Variants in PARVA observed in about 807,000 individuals in gnomAD.
PARVA encodes the protein alpha-parvin.
PARVA carries 25 observed loss-of-function variants against 52.6 expected under a neutral mutation model. The ratio of observed to expected loss-of-function variants is 0.48; its 90% CI spans 0.35 to 0.66. The LOEUF (loss-of-function observed/expected upper bound fraction) is 0.66. Ranked by LOEUF, PARVA falls within the 30% of genes least tolerant of loss-of-function variation. PARVA has a pLI of 0.01. For synonymous variants in PARVA, 185 were observed against 179.1 expected, an observed-to-expected ratio of 1.03 and a Z score of -0.26; for missense variants, 373 against 450.9, an observed-to-expected ratio of 0.83 and a Z score of 1.56.
chr11:12,511,639 C>T (rs539120419), intron 8 of PARVA, 106 bp downstream of exon 8: 28 of 1,209,784 alleles, frequency 2.3e-5, no homozygotes, highest in South Asian at 1.3e-4. Flanking sequence ...CCTGGATATA[C>T]GTCTTCACCA....
At chr11:12,394,194 A>G (rs893878408) in intron 1 of PARVA, among the ~76,000 whole-genome samples, 1 of 152,170 alleles carries the variant, frequency 6.6e-6, no homozygotes, top group East Asian at 1.9e-4. Flanking sequence ...TATTAGTAAG[A>G]GGTATCACTG....
At chr11:12,507,591 C>T (rs1317976902) in intron 6 of PARVA, among the ~76,000 whole-genome samples, 1 of 152,180 alleles carries the variant, frequency 6.6e-6, no homozygotes, top group Non-Finnish European at 1.5e-5. Context: ...GAAATAACCC[C>T]TTCTCAGTGT....
At chr11:12,481,857 A>G (rs748081772) in intron 4 of PARVA, among the ~76,000 whole-genome samples, 4 of 152,144 alleles carry the variant, frequency 2.6e-5, no homozygotes, top group Non-Finnish European at 5.9e-5. Flanking sequence ...GCCCAGGAGC[A>G]TACACATCTG....
intron 1 of PARVA, among the ~76,000 whole-genome samples, chr11:12,396,850 G>A (rs1052442018): frequency 6.6e-6 from 1 of 152,196 alleles, no homozygotes; most frequent in African/African-American, 2.4e-5. Flanking sequence ...GGCTTTGACT[G>A]TAGTAGTGTA....
chr11:12,421,630 G>A (rs1408498355), intron 1 of PARVA, among the ~76,000 whole-genome samples: 2 of 152,194 alleles, frequency 1.3e-5, no homozygotes, highest in Non-Finnish European at 2.9e-5. Context: ...GATCAGTGAT[G>A]ATACCATGGG....
chr11:12,478,430 G>A (rs974197508), intron 4 of PARVA: 11 of 255,808 alleles, frequency 4.3e-5, no homozygotes, highest in African/African-American at 2.0e-4. Context: ...ATGTGAAAAT[G>A]TAAGGACAAT....
intron 1 of PARVA, among the ~76,000 whole-genome samples, chr11:12,472,479 T>C (rs1393321859): frequency 6.6e-6 from 1 of 152,192 alleles, no homozygotes; most frequent in Admixed American, 6.5e-5. Flanking sequence ...AAAGACCTGC[T>C]GCAAAGGTAC....
intron 1 of PARVA, among the ~76,000 whole-genome samples, chr11:12,381,829 CTCAACCTATGGTACACA>C (rs1939491267): frequency 6.6e-6 from 1 of 152,152 alleles, no homozygotes; most frequent in Non-Finnish European, 1.5e-5. Flanking sequence ...AGCTGCACAC[CTCAACCTATGGTACACA>C]TCAAGCAATT....
At chr11:12,493,791 G>T (rs755839163) in intron 4 of PARVA, among the ~76,000 whole-genome samples, 2 of 152,174 alleles carry the variant, frequency 1.3e-5, no homozygotes, top group Admixed American at 6.5e-5. Flanking sequence ...CACCAAATAT[G>T]TGGGTTTTCC....
At chr11:12,474,464 C>A (rs527291863) in intron 3 of PARVA, among the ~76,000 whole-genome samples, 6 of 152,172 alleles carry the variant, frequency 3.9e-5, no homozygotes, top group Admixed American at 2.0e-4. Flanking sequence ...GGCTGGCGTG[C>A]GCTTGTCCTT....
chr11:12,391,278 C>T (rs1939654568), intron 1 of PARVA, among the ~76,000 whole-genome samples: 3 of 152,064 alleles, frequency 2.0e-5, no homozygotes, highest in African/African-American at 4.8e-5. Context: ...GATCAAAGTT[C>T]GGAATTGCTT....
chr11:12,421,754 A>G (rs958281077), intron 1 of PARVA, among the ~76,000 whole-genome samples: 5 of 152,254 alleles, frequency 3.3e-5, no homozygotes, highest in Non-Finnish European at 4.4e-5. Flanking sequence ...GTGCAAATAT[A>G]GTTTGTACAC....
At chr11:12,517,563 G>A (rs777501874) in intron 10 of PARVA, 47 bp from the exon 11 acceptor site, 1 of 1,376,430 alleles carries the variant, frequency 7.3e-7, no homozygotes, top group Non-Finnish European at 1.0e-6. Context: ...GATGGGGATT[G>A]GCTGGGAGGC....
intron 1 of PARVA, among the ~76,000 whole-genome samples, chr11:12,392,067 C>T (rs1939666870): frequency 6.6e-6 from 1 of 151,896 alleles, no homozygotes; most frequent in East Asian, 1.9e-4. Context: ...TTCTGTTTCT[C>T]TGAATTTGCC....
At chr11:12,404,534 T>C (rs1343699855) in intron 1 of PARVA, among the ~76,000 whole-genome samples, 1 of 152,224 alleles carries the variant, frequency 6.6e-6, no homozygotes, top group African/African-American at 2.4e-5. Context: ...CAGAAGGAGT[T>C]CCTTTTGTAT....
At chr11:12,513,526 C>G in intron 9 of PARVA, 166 bp downstream of exon 9, 1 of 742,100 alleles carries the variant, frequency 1.3e-6, no homozygotes, top group Non-Finnish European at 2.5e-6. Flanking sequence ...GTCTGTTCCT[C>G]ACTGGATGTT....
At chr11:12,524,038 C>T (rs35365112) in intron 12 of PARVA, among the ~76,000 whole-genome samples, 37 of 152,192 alleles carry the variant, frequency 2.4e-4, no homozygotes, top group Non-Finnish European at 4.1e-4. Context: ...ACTGCTGTCT[C>T]CCCTATTCAC....
At chr11:12,439,199 T>G (rs541652481) in intron 1 of PARVA, among the ~76,000 whole-genome samples, 1 of 152,300 alleles carries the variant, frequency 6.6e-6, no homozygotes, top group East Asian at 1.9e-4. Context: ...AGCTGTGTTC[T>G]TTTGATTGGA....
intron 1 of PARVA, among the ~76,000 whole-genome samples, chr11:12,399,313 A>G (rs1939792941): frequency 1.3e-5 from 2 of 152,218 alleles, no homozygotes; most frequent in South Asian, 4.1e-4. Flanking sequence ...CAGTGCTACT[A>G]CCTACAGCAG....
Sources: gnomAD v4.1 joint callset for allele counts (sites outside exome capture counted in the v4.1 genomes callset) on GRCh38, gnomAD v4.1.1 for gene constraint, MANE v1.5 for transcripts, NCBI Gene and HGNC (gene_info 2026-07-23, HGNC 2026-07-21) for gene names.